The following DRAM1 variants were observed in gnomAD, a reference collection of about 807,000 sequenced individuals.
DRAM1 encodes the protein DNA damage regulated autophagy modulator 1.
DRAM1 carries 25 observed loss-of-function variants against 28.5 expected under a neutral mutation model. The ratio of observed to expected loss-of-function variants is 0.88; its 90% CI spans 0.64 to 1.23. The LOEUF (loss-of-function observed/expected upper bound fraction) is 1.23. DRAM1 is among the 50% of genes most tolerant of loss of function. DRAM1 has a pLI of 0.00. For synonymous variants in DRAM1, 113 were observed against 114.2 expected, an observed-to-expected ratio of 0.99 and a Z score of 0.07; for missense variants, 249 against 299.2, an observed-to-expected ratio of 0.83 and a Z score of 1.24.
At chr12:101,886,319 C>T (rs568141579) in intron 1 of DRAM1, among the ~76,000 whole-genome samples, 2 of 152,330 alleles carry the variant, frequency 1.3e-5, no homozygotes, top group East Asian at 3.9e-4. Context: ...GAACTTTGGA[C>T]AGGTTACTTG....
chr12:101,892,989 C>T (rs765340276), intron 1 of DRAM1, among the ~76,000 whole-genome samples: 10 of 152,134 alleles, frequency 6.6e-5, no homozygotes, highest in Non-Finnish European at 1.5e-4. Context: ...TGTTGCAGTG[C>T]AAAGGTGTAG....
intron 4 of DRAM1, among the ~76,000 whole-genome samples, chr12:101,910,479 G>GTTTTT (rs772877223): frequency 7.2e-6 from 1 of 139,274 alleles, no homozygotes; most frequent in Non-Finnish European, 1.6e-5. Context: ...TTTCTAGAAA[G>GTTTTT]TTTTTTTTTT....
chr12:101,908,514 C>A, intron 4 of DRAM1, 151 bp downstream of exon 4: 1 of 764,110 alleles, frequency 1.3e-6, no homozygotes, highest in Non-Finnish European at 2.1e-6. Context: ...ACAGCATTGG[C>A]AAGTGCGAAT....
At chr12:101,919,869 A>G (rs927562936) in intron 5 of DRAM1, 1 of 344,082 alleles carries the variant, frequency 2.9e-6, no homozygotes, top group African/African-American at 2.1e-5. Context: ...TGACAAACTA[A>G]ATCTTAAAAC....
chr12:101,913,361 G>A (rs947082803), intron 4 of DRAM1, among the ~76,000 whole-genome samples: 1 of 152,092 alleles, frequency 6.6e-6, no homozygotes. Context: ...TTTTGTATAT[G>A]AGCCTTGGCA....
chr12:101,905,938 C>T (rs188499410), intron 3 of DRAM1, among the ~76,000 whole-genome samples: 7 of 152,084 alleles, frequency 4.6e-5, no homozygotes, highest in Admixed American at 2.6e-4. Flanking sequence ...TACAGGCACG[C>T]GCCACCACGC....
chr12:101,884,632 A>G (rs2121016666), intron 1 of DRAM1, among the ~76,000 whole-genome samples: 1 of 152,300 alleles, frequency 6.6e-6, no homozygotes, highest in Non-Finnish European at 1.5e-5. Flanking sequence ...ATGTGAATAC[A>G]GTTTTGTGGG....
At chr12:101,909,261 C>CAAAAAA (rs367840267) in intron 4 of DRAM1, among the ~76,000 whole-genome samples, 1 of 141,866 alleles carries the variant, frequency 7.0e-6, no homozygotes, top group Non-Finnish European at 1.5e-5. Context: ...AACTCCGTCT[C>CAAAAAA]AAAAAAAAAA....
At chr12:101,898,974 T>A (rs1347432939) in intron 2 of DRAM1, among the ~76,000 whole-genome samples, 2 of 152,218 alleles carry the variant, frequency 1.3e-5, no homozygotes, top group Non-Finnish European at 2.9e-5. Flanking sequence ...AGATATCAGA[T>A]GTGGGGCATT....
At chr12:101,907,274 G>A (rs1873857192) in intron 3 of DRAM1, among the ~76,000 whole-genome samples, 1 of 151,454 alleles carries the variant, frequency 6.6e-6, no homozygotes, top group South Asian at 2.1e-4. Flanking sequence ...CTTAGATGGT[G>A]TGTTCATTTG....
chr12:101,882,332 G>C (rs1434106368), intron 1 of DRAM1, among the ~76,000 whole-genome samples: 14 of 150,426 alleles, frequency 9.3e-5, no homozygotes, highest in Admixed American at 9.3e-4. Flanking sequence ...GGATGGTCTC[G>C]ATCTCCTGAC....
chr12:101,911,679 C>T (rs1321410238), intron 4 of DRAM1, among the ~76,000 whole-genome samples: 1 of 151,954 alleles, frequency 6.6e-6, no homozygotes, highest in Admixed American at 6.6e-5. Context: ...TGAGATGTGT[C>T]CTAAATGTAA....
At chr12:101,882,453 A>G (rs1872724642) in intron 1 of DRAM1, among the ~76,000 whole-genome samples, 1 of 151,250 alleles carries the variant, frequency 6.6e-6, no homozygotes, top group Admixed American at 6.6e-5. Context: ...ACTTTAAATA[A>G]GAGCCACAAC....
In DRAM1 at chr12:101,903,263, T is replaced by C. The variant is rs185589548; in HGVS notation, c.342+1830T>C. Among the ~76,000 whole-genome samples, 74 of 152,318 alleles carry C rather than the reference T, an allele frequency of 4.9e-4. 1 individual carries two copies. The highest frequency in any genetic ancestry group is 8.7e-4 in the Non-Finnish European group (59 of 68,030). ...ATCACATTTTTGAGAATTTCACAGATAATCTTTTTCCCAAATGGGTGGGTG... is the reference window on the plus strand; with the variant it reads ...ATCACATTTTTGAGAATTTCACAGACAATCTTTTTCCCAAATGGGTGGGTG... On this transcript the variant is annotated intron_variant, in intron 3 of 6. Transcript: ENST00000258534.
intron 1 of DRAM1, among the ~76,000 whole-genome samples, chr12:101,880,068 G>A (rs1872639822): frequency 6.6e-6 from 1 of 151,476 alleles, no homozygotes; most frequent in Admixed American, 6.6e-5. Context: ...TGTTTTTTCA[G>A]ACAAAGTCTC....
intron 6 of DRAM1, among the ~76,000 whole-genome samples, chr12:101,920,986 A>G (rs1309807348): frequency 6.6e-6 from 1 of 152,216 alleles, no homozygotes; most frequent in Non-Finnish European, 1.5e-5. Context: ...CAGATAGAAG[A>G]TGGGACTATA....
At chr12:101,898,790 G>A (rs1594300844) in intron 2 of DRAM1, among the ~76,000 whole-genome samples, 1 of 152,156 alleles carries the variant, frequency 6.6e-6, no homozygotes, top group Non-Finnish European at 1.5e-5. Context: ...TTAGAGAAAG[G>A]GGACAGGTGG....
intron 6 of DRAM1, 42 bp downstream of exon 6, chr12:101,920,243 T>A: frequency 2.1e-6 from 3 of 1,411,096 alleles, no homozygotes; most frequent in Non-Finnish European, 2.9e-6. Flanking sequence ...TGCGGACAAT[T>A]AGGATTAGTA....
At chr12:101,907,126 G>T (rs1467034760) in intron 3 of DRAM1, among the ~76,000 whole-genome samples, 1 of 143,096 alleles carries the variant, frequency 7.0e-6, no homozygotes, top group Non-Finnish European at 1.5e-5. Context: ...CTTGAGCCTG[G>T]GAATTCAAGG....
Sources: gnomAD v4.1 joint callset for allele counts (sites outside exome capture counted in the v4.1 genomes callset) on GRCh38, gnomAD v4.1.1 for gene constraint, MANE v1.5 for transcripts, NCBI Gene and HGNC (gene_info 2026-07-23, HGNC 2026-07-21) for gene names.